LUZP1: variants seen among roughly 807,000 people sequenced by gnomAD.
LUZP1 encodes filamin mechanobinding actin cross-linking protein.
LUZP1 carries 25 observed loss-of-function variants against 71.3 expected under a neutral mutation model. The ratio of observed to expected loss-of-function variants is 0.35; its 90% CI spans 0.26 to 0.49. The LOEUF is 0.49. Ranked by LOEUF, LUZP1 falls within the 20% of genes least tolerant of loss-of-function variation. The pLI is 0.99. For missense variants in LUZP1, 1,142 were observed against 1,300.8 expected, an observed-to-expected ratio of 0.88 and a Z score of 1.88; for synonymous variants, 481 against 506.4, an observed-to-expected ratio of 0.95 and a Z score of 0.67.
intron 3 of LUZP1, among the ~76,000 whole-genome samples, chr1:23,103,828 AAGAGAGGG>A (rs762161032): frequency 2.0e-3 from 113 of 55,242 alleles, no homozygotes; most frequent in Middle Eastern, 9.6e-3. Flanking sequence ...GGGAGGGAGG[AAGAGAGGG>A]AGAGAGGGAG....
exon 5 of LUZP1, chr1:23,086,635 T>TA (rs1193222167): frequency 6.5e-6 from 1 of 152,674 alleles, no homozygotes; most frequent in East Asian, 1.9e-4. Flanking sequence ...CTAATACCTT[T>TA]AGTTGACCAC....
chr1:23,138,687 G>GTC (rs1187002233), intron 2 of LUZP1, among the ~76,000 whole-genome samples: 2 of 106,010 alleles, frequency 1.9e-5, no homozygotes, highest in East Asian at 4.6e-4. Flanking sequence ...GTGTGTGTGT[G>GTC]TGTGTGTGTG....
chr1:23,138,699 ATAT>A (rs1425076116), intron 2 of LUZP1, among the ~76,000 whole-genome samples: 1 of 53,582 alleles, frequency 1.9e-5, no homozygotes, highest in African/African-American at 7.2e-5. Flanking sequence ...GTGTGTGTGT[ATAT>A]ATATATATAT....
intron 2 of LUZP1, among the ~76,000 whole-genome samples, chr1:23,134,388 A>AG (rs1029356953): frequency 7.9e-5 from 12 of 152,252 alleles, no homozygotes; most frequent in Admixed American, 5.2e-4. Context: ...AGGCTAAAAC[A>AG]GGAGGATCAC....
At chr1:23,091,309 C>T in exon 4 of LUZP1, 2 of 1,614,080 alleles carry the variant, frequency 1.2e-6, no homozygotes, top group Non-Finnish European at 1.7e-6. Context: ...GGCTCAGGGG[C>T]ATCCCCTGAA....
chr1:23,138,935 T>C (rs1419739473), intron 2 of LUZP1, among the ~76,000 whole-genome samples: 14 of 134,476 alleles, frequency 1.0e-4, no homozygotes, highest in Admixed American at 6.6e-4. Context: ...GAGGTGGAGG[T>C]TGCAGTGAGT....
intron 3 of LUZP1, among the ~76,000 whole-genome samples, chr1:23,107,048 T>A (rs1453734314): frequency 6.6e-6 from 1 of 152,176 alleles, no homozygotes; most frequent in African/African-American, 2.4e-5. Context: ...TCCTTATGGG[T>A]CCTTATACAT....
exon 4 of LUZP1, chr1:23,091,976 A>G: frequency 1.2e-6 from 2 of 1,613,980 alleles, no homozygotes; most frequent in Non-Finnish European, 1.7e-6. Flanking sequence ...TCACATCCTT[A>G]TCAACAATAA....
At chr1:23,151,019 A>G (rs921061885) in intron 2 of LUZP1, among the ~76,000 whole-genome samples, 20 of 152,048 alleles carry the variant, frequency 1.3e-4, no homozygotes, top group African/African-American at 4.6e-4. Context: ...TGGGTCTTCT[A>G]TTTTTATGAT....
intron 3 of LUZP1, among the ~76,000 whole-genome samples, chr1:23,103,027 C>T (rs1643943694): frequency 6.6e-6 from 1 of 151,958 alleles, no homozygotes; most frequent in Non-Finnish European, 1.5e-5. Context: ...TACCTTCTAG[C>T]CTCAAGCAAT....
chr1:23,084,404 TCTC>T (rs1643726757), exon 5 of LUZP1: 1 of 151,938 alleles, frequency 6.6e-6, no homozygotes, highest in Admixed American at 6.6e-5. Flanking sequence ...CACATTGCCT[TCTC>T]CTGTAGTCAA....
chr1:23,149,783 G>T (rs1329204096), intron 2 of LUZP1, among the ~76,000 whole-genome samples: 53 of 151,956 alleles, frequency 3.5e-4, no homozygotes, highest in Non-Finnish European at 6.9e-4. Flanking sequence ...CCAACATGGT[G>T]AAACCCCGTC....
At chr1:23,173,736 C>T (rs1644566877) in intron 1 of LUZP1, among the ~76,000 whole-genome samples, 2 of 152,114 alleles carry the variant, frequency 1.3e-5, no homozygotes, top group Admixed American at 6.6e-5. Flanking sequence ...GGTAAAAACA[C>T]AGCTACAAGG....
chr1:23,175,105 A>G lies in LUZP1; in HGVS notation c.-485+2386T>C, dbSNP rs186701640. On this transcript the variant is annotated intron_variant, in intron 1 of 4. Transcript: ENST00000302291. ...AAGGTTATAGGGGGTCATTATTGCT[A>G]TCTTGCAGACTGGGAAAACAAGGCT... 4.2e-3 allele frequency among the ~76,000 whole-genome samples: 639 copies of G among 152,192 alleles called. 6 individuals are homozygous for G. Among genetic ancestry groups the G allele is most frequent in the African/African-American group, 0.015 (612 of 41,520 alleles).
chr1:23,125,427 C>T (rs1186543381), intron 2 of LUZP1, among the ~76,000 whole-genome samples: 1 of 152,074 alleles, frequency 6.6e-6, no homozygotes, highest in Non-Finnish European at 1.5e-5. Context: ...TTCTCAATAT[C>T]CTATTCTCTT....
intron 2 of LUZP1, among the ~76,000 whole-genome samples, chr1:23,115,485 T>C (rs1402846429): frequency 2.0e-5 from 3 of 152,168 alleles, no homozygotes; most frequent in Non-Finnish European, 2.9e-5. Context: ...TTGATAAAAC[T>C]AGGTTGAGAT....
chr1:23,144,409 CGACTGCAAGAAACT>C (rs1644327338), intron 2 of LUZP1, among the ~76,000 whole-genome samples: 1 of 152,132 alleles, frequency 6.6e-6, no homozygotes, highest in Admixed American at 6.5e-5. Flanking sequence ...TGTCTCTAAA[CGACTGCAAGAAACT>C]GACACACAAC....
chr1:23,120,009 G>A (rs9426801), intron 2 of LUZP1, among the ~76,000 whole-genome samples: 49,249 of 151,104 alleles, frequency 0.33, 8,427 homozygotes, highest in East Asian at 0.45. Flanking sequence ...TGGAGCAATC[G>A]TGGCTTCCTG....
In LUZP1 at chr1:23,129,401, G is replaced by C. The variant is rs749037205; in HGVS notation, c.-225-20274C>G. ...GTTCGAGACCAGCCTGACCAACATG[G>C]AGAAACACTGTCTCTACTAAAAATA... On this transcript the variant is annotated intron_variant, in intron 2 of 4. Coordinates refer to ENST00000302291, the Ensembl canonical transcript of LUZP1. Among the ~76,000 whole-genome samples, 83 of 152,264 alleles carry C rather than the reference G, an allele frequency of 5.5e-4. 1 individual carries two copies. The highest frequency in any genetic ancestry group is 2.6e-4 in the Non-Finnish European group (18 of 68,020).
Sources: allele counts gnomAD v4.1 joint callset (sites outside exome capture counted in the v4.1 genomes callset), GRCh38; gene constraint gnomAD v4.1.1; transcripts MANE v1.5; gene names NCBI Gene and HGNC (gene_info 2026-07-23, HGNC 2026-07-21).